STPG2: variants seen among roughly 807,000 people sequenced by gnomAD.
The protein encoded by STPG2 is sperm-tail PG-rich repeat-containing protein 2.
Under a neutral mutation model 54.2 loss-of-function variants are expected in STPG2, and 56 were observed. The observed-to-expected ratio is 1.03, with a 90% CI of 0.83 to 1.29. The LOEUF (loss-of-function observed/expected upper bound fraction) is 1.29. STPG2 is among the 50% of genes most tolerant of loss of function. The pLI is 0.00. For synonymous variants in STPG2, 200 were observed against 181.8 expected, an observed-to-expected ratio of 1.10 and a Z score of -0.81; for missense variants, 596 against 544.9, an observed-to-expected ratio of 1.09 and a Z score of -0.93.
chr4:97,755,779 A>T (rs1725709415), intron 9 of STPG2, among the ~76,000 whole-genome samples: 1 of 152,184 alleles, frequency 6.6e-6, no homozygotes, highest in South Asian at 2.1e-4. Flanking sequence ...CCTCTATGAA[A>T]GATGTGCAAA....
At chr4:97,724,999 T>C (rs1318329181) in intron 9 of STPG2, among the ~76,000 whole-genome samples, 1 of 152,090 alleles carries the variant, frequency 6.6e-6, no homozygotes, top group African/African-American at 2.4e-5. Context: ...TTGACTCAAA[T>C]CCTGTTGATT....
intron 4 of STPG2, among the ~76,000 whole-genome samples, chr4:97,463,200 T>C (rs1210047425): frequency 6.6e-6 from 1 of 152,162 alleles, no homozygotes; most frequent in African/African-American, 2.4e-5. Context: ...TTTATCTTTT[T>C]GAATTGTATT....
chr4:97,697,589 G>A (rs571612384), intron 10 of STPG2, among the ~76,000 whole-genome samples: 1 of 152,218 alleles, frequency 6.6e-6, no homozygotes, highest in African/African-American at 2.4e-5. Context: ...TGCTTTTATT[G>A]TCTTGCAAAA....
chr4:97,965,451 C>T (rs568111122), intron 7 of STPG2, among the ~76,000 whole-genome samples: 185 of 152,352 alleles, frequency 1.2e-3, no homozygotes, highest in African/African-American at 4.3e-3. Context: ...CTTCTGCAGA[C>T]TTAAATGTCC....
chr4:98,011,302 A>C lies in STPG2; in HGVS notation c.613-29984T>G, dbSNP rs1006963043. On this transcript the variant is annotated intron_variant, in intron 5 of 10. Transcript: ENST00000295268. ...AAAGGTCATGTTCTCATTCCTTTTCAAGGCTGCATAGTATTCCATGGTGTA... is the reference window on the plus strand; with the variant it reads ...AAAGGTCATGTTCTCATTCCTTTTCCAGGCTGCATAGTATTCCATGGTGTA... Among the ~76,000 whole-genome samples, 5 of 152,292 alleles carry C rather than the reference A, an allele frequency of 3.3e-5. No homozygotes were observed. The East Asian group carries it at 5.8e-4, about 18-fold the overall frequency.
intron 5 of STPG2, among the ~76,000 whole-genome samples, chr4:98,021,991 T>C (rs1402699662): frequency 6.6e-6 from 1 of 151,656 alleles, no homozygotes; most frequent in Admixed American, 6.6e-5. Flanking sequence ...TCTGTGTCTT[T>C]TAATTGGAGC....
chr4:97,945,484 T>A (rs6843777), intron 7 of STPG2, among the ~76,000 whole-genome samples: 59,927 of 151,984 alleles, frequency 0.39, 11,976 homozygotes, highest in Middle Eastern at 0.46. Flanking sequence ...GATTGGTTCC[T>A]TATCTTTGCA....
intron 5 of STPG2, among the ~76,000 whole-genome samples, chr4:98,031,495 G>C (rs181771885): frequency 1.1e-3 from 169 of 152,144 alleles, no homozygotes; most frequent in African/African-American, 3.9e-3. Context: ...TGGCCAACAT[G>C]GTGAAACCCC....
At chr4:97,967,129 A>T (rs1343568365) in intron 7 of STPG2, among the ~76,000 whole-genome samples, 1 of 151,090 alleles carries the variant, frequency 6.6e-6, no homozygotes, top group Non-Finnish European at 1.5e-5. Context: ...ACATGCAGAG[A>T]CACACACAGG....
chr4:97,521,261 G>A (rs1189584772), intron 4 of STPG2, among the ~76,000 whole-genome samples: 1 of 151,834 alleles, frequency 6.6e-6, no homozygotes, highest in Non-Finnish European at 1.5e-5. Flanking sequence ...CTTAACACAG[G>A]ACCAACAAAT....
intron 4 of STPG2, among the ~76,000 whole-genome samples, chr4:97,492,033 A>G (rs1473113108): frequency 2.0e-5 from 3 of 151,480 alleles, no homozygotes; most frequent in Non-Finnish European, 4.4e-5. Context: ...CTAGTAGCCA[A>G]TAAAGTATGA....
intron 3 of STPG2, among the ~76,000 whole-genome samples, chr4:98,121,389 A>G (rs1739675724): frequency 6.6e-6 from 1 of 152,196 alleles, no homozygotes; most frequent in Non-Finnish European, 1.5e-5. Flanking sequence ...TTGGTTCCAT[A>G]TGAATTTTAA....
At chr4:97,809,417 G>T (rs1727669892) in intron 9 of STPG2, among the ~76,000 whole-genome samples, 1 of 151,894 alleles carries the variant, frequency 6.6e-6, no homozygotes. Flanking sequence ...AATGATTTTT[G>T]TAGACATAAT....
At chr4:97,931,129 A>T (rs1440927765) in intron 8 of STPG2, among the ~76,000 whole-genome samples, 1 of 152,200 alleles carries the variant, frequency 6.6e-6, no homozygotes, top group Non-Finnish European at 1.5e-5. Context: ...TCATCTGCAA[A>T]CAGATATAGT....
At chr4:97,799,646 T>G (rs1727315702) in intron 9 of STPG2, among the ~76,000 whole-genome samples, 1 of 152,218 alleles carries the variant, frequency 6.6e-6, no homozygotes, top group South Asian at 2.1e-4. Flanking sequence ...TTGGTGAAAC[T>G]GACAATTATG....
At chr4:97,624,333 T>G (rs1045696527) in intron 10 of STPG2, among the ~76,000 whole-genome samples, 2 of 152,028 alleles carry the variant, frequency 1.3e-5, no homozygotes, top group African/African-American at 4.8e-5. Context: ...ATTGCCATTC[T>G]GATCTCATTG....
intron 5 of STPG2, among the ~76,000 whole-genome samples, chr4:97,997,748 T>C (rs1333003896): frequency 1.3e-5 from 2 of 152,092 alleles, no homozygotes; most frequent in Non-Finnish European, 2.9e-5. Context: ...CTAAATGAAC[T>C]AACACAGGAA....
chr4:97,992,266 G>A (rs886899433), intron 5 of STPG2, among the ~76,000 whole-genome samples: 3 of 152,134 alleles, frequency 2.0e-5, no homozygotes, highest in Non-Finnish European at 4.4e-5. Context: ...ATCTTGAGCA[G>A]ATTTTTGTAT....
downstream of STPG2, among the ~76,000 whole-genome samples, chr4:97,554,313 T>A (rs148406670): frequency 6.6e-6 from 1 of 152,160 alleles, no homozygotes; most frequent in Non-Finnish European, 1.5e-5. Flanking sequence ...GTGCCAATCA[T>A]GTCAGAGGCC....
Sources: allele counts gnomAD v4.1 joint callset (sites outside exome capture counted in the v4.1 genomes callset), GRCh38; gene constraint gnomAD v4.1.1; transcripts MANE v1.5; gene names NCBI Gene and HGNC (gene_info 2026-07-23, HGNC 2026-07-21).